Variants in OPA3 observed in about 807,000 individuals in gnomAD.
OPA3 encodes the protein optic atrophy 3 protein.
OPA3 carries 6 observed loss-of-function variants against 4.0 expected under a neutral mutation model. That is an observed-to-expected ratio of 1.51 (90% CI 0.83 to 2.99). OPA3 has a LOEUF of 2.99. Among genes scored for constraint, OPA3 ranks in the 30% most tolerant of loss-of-function variants. The probability of loss-of-function intolerance (pLI) is 0.00; values close to 1 mark genes in which losing one functional copy is unlikely to be tolerated. For synonymous variants in OPA3, 105 were observed against 117.1 expected (o/e 0.90, Z 0.67); for missense variants, 235 against 256.2 (o/e 0.92, Z 0.56).
downstream of OPA3, among the ~76,000 whole-genome samples, chr19:45,544,291 C>T (rs1310844499): frequency 6.6e-6 from 1 of 152,178 alleles, no homozygotes; most frequent in South Asian, 2.1e-4. Context: ...GAGGAAACAA[C>T]CCCAACGTTC....
chr19:45,575,896 G>A (rs967175743), intron 1 of OPA3, among the ~76,000 whole-genome samples: 3 of 152,120 alleles, frequency 2.0e-5, no homozygotes, highest in East Asian at 1.9e-4. Flanking sequence ...ATGAACCACC[G>A]CACCTGCCCT....
downstream of OPA3, among the ~76,000 whole-genome samples, chr19:45,545,568 C>T (rs944678785): frequency 2.0e-5 from 3 of 151,352 alleles, no homozygotes; most frequent in Non-Finnish European, 4.4e-5. Flanking sequence ...ACAACAACAA[C>T]CAGAGGCTGA....
intron 1 of OPA3, among the ~76,000 whole-genome samples, chr19:45,564,187 TA>T (rs1438990249): frequency 1.4e-5 from 2 of 141,140 alleles, no homozygotes; most frequent in African/African-American, 5.4e-5. Flanking sequence ...GTTGGGAGGG[TA>T]TGCGACTAGG....
chr19:45,546,507 T>TG lies in OPA3; in HGVS notation c.*7006_*7007insC. 1.7e-6 allele frequency: 1 copy of TG among 595,348 alleles called. No individual in the cohort carries two copies. The highest frequency in any genetic ancestry group is 2.1e-6 in the Non-Finnish European group (1 of 474,354). The allele number at this position is 595,348 out of a possible 1,614,324, so 36.9% of individuals were successfully genotyped here. A position where few individuals can be genotyped will look rare whatever the true frequency, so the allele number is the denominator to read the frequency against. On this transcript the variant is annotated 3_prime_UTR_variant, in exon 2 of 2. Transcript: ENST00000263275. ...GGATTACATAAACTCTGCTTTTTTT[T>TG]TTTTTTGAGACAGGGTCTCACTTTG...
At chr19:45,542,665 G>GTTTTTTTTTTTTTT (rs59474391), downstream of OPA3, among the ~76,000 whole-genome samples, 1 of 103,334 alleles carries the variant, frequency 9.7e-6, no homozygotes. Flanking sequence ...CTGTTTTTTT[G>GTTTTTTTTTTTTTT]TTTTTTTTTT....
At chr19:45,531,955 T>C (rs1037142824) in intron 1 of OPA3, among the ~76,000 whole-genome samples, 1 of 152,222 alleles carries the variant, frequency 6.6e-6, no homozygotes, top group African/African-American at 2.4e-5. Context: ...CTTTTACTCC[T>C]GGGAGGTAAT....
exon 2 of OPA3, chr19:45,528,941 G>T: frequency 7.8e-7 from 1 of 1,290,310 alleles, no homozygotes; most frequent in Non-Finnish European, 1.1e-6. Flanking sequence ...GCCCCCGAAG[G>T]ACTGGGTGGT....
intron 1 of OPA3, among the ~76,000 whole-genome samples, chr19:45,539,154 A>G (rs1178833591): frequency 6.6e-6 from 1 of 152,210 alleles, no homozygotes; most frequent in East Asian, 1.9e-4. Flanking sequence ...CCCTCCCTCA[A>G]CACATGAGGA....
chr19:45,534,845 C>G (rs775513134), intron 1 of OPA3, among the ~76,000 whole-genome samples: 1 of 152,004 alleles, frequency 6.6e-6, no homozygotes, highest in African/African-American at 2.4e-5. Flanking sequence ...GTTGGTCAGG[C>G]TGGTCTTGAA....
downstream of OPA3, among the ~76,000 whole-genome samples, chr19:45,544,828 A>G (rs1969227454): frequency 6.6e-6 from 1 of 150,502 alleles, no homozygotes; most frequent in Non-Finnish European, 1.5e-5. Flanking sequence ...ATAAATAAAT[A>G]GGAAATTAAC....
At chr19:45,556,798 G>A (rs1362020312) in intron 1 of OPA3, among the ~76,000 whole-genome samples, 4 of 152,228 alleles carry the variant, frequency 2.6e-5, no homozygotes, top group Non-Finnish European at 5.9e-5. Flanking sequence ...TGCAGTTACT[G>A]TTACAGCTGT....
At chr19:45,541,365 G>C (rs1271892544), downstream of OPA3, among the ~76,000 whole-genome samples, 1 of 152,028 alleles carries the variant, frequency 6.6e-6, no homozygotes. Context: ...TGTACTATAG[G>C]GGGGTCTGGG....
chr19:45,534,608 T>G (rs1969096277), intron 1 of OPA3, among the ~76,000 whole-genome samples: 1 of 144,974 alleles, frequency 6.9e-6, no homozygotes, highest in African/African-American at 2.6e-5. Context: ...AATAGAACTA[T>G]CCATACTTTT....
chr19:45,574,267 C>T (rs941964875), intron 1 of OPA3, among the ~76,000 whole-genome samples: 2 of 151,970 alleles, frequency 1.3e-5, no homozygotes, highest in East Asian at 3.9e-4. Context: ...TGGTGGCGGG[C>T]GCCTGTAGTC....
intron 1 of OPA3, among the ~76,000 whole-genome samples, chr19:45,583,886 T>C (rs796333178): frequency 5.3e-5 from 8 of 152,334 alleles, no homozygotes; most frequent in African/African-American, 1.9e-4. Context: ...CCAGTTCCTC[T>C]GAGCTCCGGG....
intron 1 of OPA3, among the ~76,000 whole-genome samples, chr19:45,571,527 T>C (rs1969666768): frequency 6.6e-6 from 1 of 152,182 alleles, no homozygotes; most frequent in Non-Finnish European, 1.5e-5. Flanking sequence ...GTTTCCTTGA[T>C]AGGAGAACAT....
Position 45,548,246 on chromosome 19 carries a change from A to G in OPA3, c.*5268T>C. 1 of 985,596 alleles carries G rather than the reference A, an allele frequency of 1.0e-6. No individual in the cohort carries two copies. The highest frequency in any genetic ancestry group is 1.2e-6 in the Non-Finnish European group (1 of 829,964). 61.1% of individuals were successfully genotyped at this position (985,596 alleles called of 1,614,324 possible). On this transcript the variant is annotated 3_prime_UTR_variant, in exon 2 of 2. Coordinates refer to ENST00000263275, the MANE Select transcript of OPA3 (RefSeq NM_025136.4). ...AGCCCAGGAGTAGCTCCGTGAGCCAATAGATCAGGTTGGGGCTTATGTAAA... is the reference window on the plus strand; with the variant it reads ...AGCCCAGGAGTAGCTCCGTGAGCCAGTAGATCAGGTTGGGGCTTATGTAAA...
In OPA3 at chr19:45,546,325, C is replaced by T. The variant is rs909276054; in HGVS notation, c.*7189G>A. 6 of 663,526 alleles carry T rather than the reference C, an allele frequency of 9.0e-6. No individual in the cohort carries two copies. The African/African-American group carries it at 9.8e-5, about 11-fold the overall frequency. The allele number at this position is 663,526 out of a possible 1,614,324, so 41.1% of individuals were successfully genotyped here. A position where few individuals can be genotyped will look rare whatever the true frequency, so the allele number is the denominator to read the frequency against. On this transcript the variant is annotated 3_prime_UTR_variant, in exon 2 of 2. Coordinates refer to ENST00000263275, the MANE Select transcript of OPA3 (RefSeq NM_025136.4). ...GAAACTTTCATTCCAATGATATGTA[C>T]ATAAGCACATACACTACATATAATA... is the stretch of plus-strand genomic sequence containing the variant.
chr19:45,553,688 C>T lies in OPA3; in HGVS notation c.366G>A (p.Leu122=). Residue 122 remains leucine (L), a synonymous_variant, in exon 2 of 2, where the codon CTG becomes CTA. Transcript: ENST00000263275. Reference sequence around the variant, plus strand: ...GCGCCAGGTGGCCCACCTCGTCCCGCAGCGCGTTCCAGGCAGCACGCTGCT... The same window carrying T: ...GCGCCAGGTGGCCCACCTCGTCCCGTAGCGCGTTCCAGGCAGCACGCTGCT... ...EEEQRAAWNA[L]RDEVGHLALA... 1 of 1,606,086 alleles carries T rather than the reference C, an allele frequency of 6.2e-7. No homozygotes were observed. The highest frequency in any genetic ancestry group is 1.1e-5 in the South Asian group (1 of 90,928).
Sources: gnomAD v4.1 joint callset for allele counts (sites outside exome capture counted in the v4.1 genomes callset) on GRCh38, gnomAD v4.1.1 for gene constraint, MANE v1.5 for transcripts, NCBI Gene and HGNC (gene_info 2026-07-23, HGNC 2026-07-21) for gene names.